The following ADGRE3 variants were observed in gnomAD, a reference collection of about 807,000 sequenced individuals.
The protein encoded by ADGRE3 is EGF-like module receptor 3.
A neutral mutation model predicts 80.1 loss-of-function variants in ADGRE3; 88 were observed. That is an observed-to-expected ratio of 1.10 (90% CI 0.93 to 1.31). The LOEUF (loss-of-function observed/expected upper bound fraction) is 1.31. Ranked by LOEUF, ADGRE3 falls within the 40% of genes most tolerant of loss-of-function variation. ADGRE3 has a pLI of 0.00. For missense variants in ADGRE3, 715 were observed against 776.5 expected (o/e 0.92, Z 0.94); for synonymous variants, 281 against 294.8 (o/e 0.95, Z 0.48).
chr19:14,627,012 A>G (rs1970752980), intron 14 of ADGRE3, among the ~76,000 whole-genome samples: 1 of 152,228 alleles, frequency 6.6e-6, no homozygotes, highest in Non-Finnish European at 1.5e-5. Context: ...GACAGAAGCC[A>G]AAGGGATATG....
chr19:14,648,440 C>T (rs1971479554), intron 7 of ADGRE3, among the ~76,000 whole-genome samples: 2 of 152,116 alleles, frequency 1.3e-5, no homozygotes, highest in African/African-American at 2.4e-5. Context: ...TCCCTCTTCT[C>T]GAATGGGACA....
At chr19:14,666,002 A>T (rs1374566463) in intron 2 of ADGRE3, among the ~76,000 whole-genome samples, 1 of 105,474 alleles carries the variant, frequency 9.5e-6, no homozygotes, top group Non-Finnish European at 1.9e-5. Context: ...CCACGTGTTG[A>T]TTGATGGGCA....
chr19:14,614,867 AGCCACTGTGCCCG>A (rs1209853070), downstream of ADGRE3, among the ~76,000 whole-genome samples: 1 of 145,786 alleles, frequency 6.9e-6, no homozygotes, highest in Non-Finnish European at 1.5e-5. Context: ...TATAGGTGTG[AGCCACTGTGCCCG>A]GCCCCCATTT....
chr19:14,669,797 T>C (rs978572769), intron 1 of ADGRE3, among the ~76,000 whole-genome samples: 1 of 152,090 alleles, frequency 6.6e-6, no homozygotes, highest in Non-Finnish European at 1.5e-5. Flanking sequence ...GCCCAATGAC[T>C]ATTATTATTT....
intron 7 of ADGRE3, among the ~76,000 whole-genome samples, chr19:14,650,642 TC>T (rs1971574775): frequency 5.7e-5 from 5 of 87,378 alleles, no homozygotes; most frequent in Admixed American, 1.4e-4. Flanking sequence ...TCTCTCTCTC[TC>T]TCTCTCTCTC....
chr19:14,644,789 A>C (rs1361670736), intron 8 of ADGRE3, among the ~76,000 whole-genome samples: 1 of 152,194 alleles, frequency 6.6e-6, no homozygotes, highest in African/African-American at 2.4e-5. Flanking sequence ...GCCGTGACGC[A>C]ATCACAGCTC....
chr19:14,604,874 A>G, the ADGRE3 span, among the ~76,000 whole-genome samples: 1 of 152,344 alleles, frequency 6.6e-6, no homozygotes. Context: ...AGTAGAACAC[A>G]TGAAATAGAT....
At chr19:14,608,464 G>A in the ADGRE3 span, among the ~76,000 whole-genome samples, 15 of 152,118 alleles carry the variant, frequency 9.9e-5, no homozygotes, top group African/African-American at 3.6e-4. Flanking sequence ...GGCCAGACAG[G>A]GACAGCACCA....
downstream of ADGRE3, among the ~76,000 whole-genome samples, chr19:14,615,773 T>A (rs2075071775): frequency 6.9e-6 from 1 of 145,822 alleles, no homozygotes; most frequent in Non-Finnish European, 1.5e-5. Context: ...AAAAAAAAAA[T>A]TAGAGAGACA....
At chr19:14,664,957 G>A (rs138989227) in intron 2 of ADGRE3, among the ~76,000 whole-genome samples, 1 of 150,344 alleles carries the variant, frequency 6.7e-6, no homozygotes, top group African/African-American at 2.5e-5. Flanking sequence ...TTTTCTTTAC[G>A]TTATAGGAAC....
intron 10 of ADGRE3, among the ~76,000 whole-genome samples, chr19:14,638,953 G>A (rs543472376): frequency 6.7e-4 from 102 of 152,254 alleles, no homozygotes; most frequent in Middle Eastern, 3.4e-3. Flanking sequence ...CCAGGCTGGA[G>A]TGCAGTGGCA....
chr19:14,641,572 G>T lies in ADGRE3; in HGVS notation c.1095C>A (p.Ser365Arg), dbSNP rs761392728. 6.2e-7 allele frequency: 1 copy of T among 1,614,112 alleles called. No individual in the cohort carries two copies. The highest frequency in any genetic ancestry group is 8.5e-7 in the Non-Finnish European group (1 of 1,180,020). ...CCAGGAGGAGGCACAGCAGAGAGAC[G>T]CTCAGCCCCACGTAGGTGATGACAG... ...VLTVITYVGL[S>R]VSLLCLLLAA... The change falls in exon 10 of 16, where the codon AGC (serine) becomes AGA (arginine). Residue 365 changes from serine (S) to arginine (R), a missense_variant. Coordinates refer to ENST00000253673, the MANE Select transcript of ADGRE3 (RefSeq NM_032571.5).
chr19:14,626,930 T>C (rs2146805327), intron 14 of ADGRE3, among the ~76,000 whole-genome samples: 1 of 152,324 alleles, frequency 6.6e-6, no homozygotes, highest in Non-Finnish European at 1.5e-5. Flanking sequence ...GGGCCAGGCG[T>C]GTCCTGTGGG....
chr19:14,673,198 C>A (rs561965208), intron 1 of ADGRE3, among the ~76,000 whole-genome samples: 54 of 152,292 alleles, frequency 3.5e-4, no homozygotes, highest in African/African-American at 1.2e-3. Context: ...GAATTTACAG[C>A]CTATCAGCTG....
intron 9 of ADGRE3, among the ~76,000 whole-genome samples, chr19:14,643,185 C>T (rs544866500): frequency 1.6e-4 from 22 of 137,626 alleles, no homozygotes; most frequent in African/African-American, 4.1e-4. Flanking sequence ...CTCGCTCTGT[C>T]GCCAGGATGG....
At chr19:14,606,997 T>C in the ADGRE3 span, 2 of 1,278,314 alleles carry the variant, frequency 1.6e-6, no homozygotes, top group Non-Finnish European at 2.0e-6. Context: ...TTGCAGAATT[T>C]TGTGGCCAAG....
chr19:14,674,841 T>A lies in ADGRE3; in HGVS notation c.-71A>T. On this transcript the variant is annotated 5_prime_UTR_variant, in exon 1 of 16. Coordinates refer to ENST00000253673, the MANE Select transcript of ADGRE3 (RefSeq NM_032571.5). ...TACTGTGCCGTAAGCCAACCACCTTTCCTAGCTCAAGAAATCCCATGAGAA... is the reference window on the plus strand; with the variant it reads ...TACTGTGCCGTAAGCCAACCACCTTACCTAGCTCAAGAAATCCCATGAGAA... The A allele has an allele frequency of 6.6e-7, 1 of 1,503,990 alleles. No homozygotes were observed. 93.2% of individuals were successfully genotyped at this position (1,503,990 alleles called of 1,614,324 possible). A position where few individuals can be genotyped will look rare whatever the true frequency, so the allele number is the denominator to read the frequency against.
the ADGRE3 span, among the ~76,000 whole-genome samples, chr19:14,602,407 A>C: frequency 9.2e-5 from 14 of 151,998 alleles, no homozygotes; most frequent in Non-Finnish European, 1.9e-4. Context: ...ATCCCACCTC[A>C]GCTCCCCACC....
At chr19:14,639,896 C>T (rs117244731) in intron 10 of ADGRE3, among the ~76,000 whole-genome samples, 1,908 of 152,206 alleles carry the variant, frequency 0.013, 7 homozygotes, top group Middle Eastern at 0.024. Flanking sequence ...TTGTTATTGA[C>T]TATAGTCATG....
Sources: gnomAD v4.1 joint callset for allele counts (sites outside exome capture counted in the v4.1 genomes callset) on GRCh38, gnomAD v4.1.1 for gene constraint, MANE v1.5 for transcripts, NCBI Gene and HGNC (gene_info 2026-07-23, HGNC 2026-07-21) for gene names.